The following TRIM9 variants were observed in gnomAD, a reference collection of about 807,000 sequenced individuals.
The protein encoded by TRIM9 is E3 ubiquitin-protein ligase TRIM9.
TRIM9 carries 26 observed loss-of-function variants against 78.3 expected under a neutral mutation model. The observed-to-expected ratio is 0.33, with a 90% CI of 0.24 to 0.46. The LOEUF (loss-of-function observed/expected upper bound fraction) is 0.46, where lower values mean the gene tolerates loss of function less well. Among genes scored for constraint, TRIM9 ranks in the 20% least tolerant of loss-of-function variants. TRIM9 has a pLI of 1.00. For missense variants in TRIM9, 787 were observed against 1,036.4 expected (o/e 0.76, Z 3.30); for synonymous variants, 398 against 416.5 (o/e 0.96, Z 0.54).
At chr14:51,046,733 T>G (rs2059978893) in intron 1 of TRIM9, among the ~76,000 whole-genome samples, 1 of 152,208 alleles carries the variant, frequency 6.6e-6, no homozygotes, top group South Asian at 2.1e-4. Flanking sequence ...TTCCCATGTA[T>G]TACCCGTAAA....
chr14:51,004,474 C>T (rs1267578472), intron 5 of TRIM9, among the ~76,000 whole-genome samples: 5 of 151,948 alleles, frequency 3.3e-5, no homozygotes, highest in African/African-American at 1.2e-4. Flanking sequence ...TGTGAACACT[C>T]ACAACCATCC....
At chr14:50,991,404 G>A (rs2053492484) in intron 7 of TRIM9, among the ~76,000 whole-genome samples, 1 of 152,000 alleles carries the variant, frequency 6.6e-6, no homozygotes, top group Admixed American at 6.6e-5. Context: ...CTCTCACCTT[G>A]GATTTTGTAA....
intron 1 of TRIM9, among the ~76,000 whole-genome samples, chr14:51,078,359 T>G (rs898808223): frequency 2.7e-4 from 41 of 152,210 alleles, no homozygotes; most frequent in Non-Finnish European, 5.1e-4. Context: ...TATAGTAACC[T>G]TTTCAGATAT....
chr14:51,082,405 T>A (rs2063385679), intron 1 of TRIM9, among the ~76,000 whole-genome samples: 1 of 152,168 alleles, frequency 6.6e-6, no homozygotes, highest in Non-Finnish European at 1.5e-5. Context: ...TGCAATACAA[T>A]AGGATATTAG....
At chr14:51,093,292 C>T (rs143984192) in intron 1 of TRIM9, among the ~76,000 whole-genome samples, 2 of 152,322 alleles carry the variant, frequency 1.3e-5, no homozygotes, top group East Asian at 1.9e-4. Flanking sequence ...AAAGTTTGCA[C>T]ATATAACTAC....
At chr14:51,017,912 C>T (rs2057372311) in intron 3 of TRIM9, among the ~76,000 whole-genome samples, 1 of 152,156 alleles carries the variant, frequency 6.6e-6, no homozygotes, top group African/African-American at 2.4e-5. Flanking sequence ...CATACAGTCT[C>T]TCTTGTGATT....
chr14:50,978,983 T>C (rs2051435824), intron 12 of TRIM9: 1 of 1,146,354 alleles, frequency 8.7e-7, no homozygotes, highest in Non-Finnish European at 1.1e-6. Flanking sequence ...GATTTTCTGA[T>C]AATGATACTA....
intron 7 of TRIM9, chr14:50,996,127 A>G: frequency 1.0e-6 from 1 of 985,368 alleles, no homozygotes; most frequent in Middle Eastern, 5.2e-4. Flanking sequence ...GTGCAGTAAC[A>G]GAGAATACTG....
intron 1 of TRIM9, among the ~76,000 whole-genome samples, chr14:51,038,758 G>C (rs1266443702): frequency 3.3e-5 from 5 of 152,192 alleles, no homozygotes; most frequent in Non-Finnish European, 5.9e-5. Flanking sequence ...CAATCACCAA[G>C]AGTGAAGCTT....
In TRIM9 at chr14:50,975,332, G is replaced by T. The variant is rs2051016262; in HGVS notation, c.*1959C>A. The stretch of plus-strand genomic sequence containing the variant: ...ATTTTTTCTAGTATAGTAGTTGTAT[G>T]CATCTGTAATTGCAATTCAGTGTAA... On this transcript the variant is annotated 3_prime_UTR_variant, in exon 13 of 13. Coordinates refer to ENST00000684578, the MANE Select transcript of TRIM9 (RefSeq NM_001387360.1). 1 of 152,672 alleles carries T rather than the reference G, an allele frequency of 6.5e-6. No homozygotes were observed. Among genetic ancestry groups the T allele is most frequent in the African/African-American group, 2.4e-5 (1 of 41,466 alleles). 9.5% of individuals were successfully genotyped at this position (152,672 alleles called of 1,614,324 possible).
At chr14:51,051,906 G>T (rs997617410) in intron 1 of TRIM9, among the ~76,000 whole-genome samples, 5 of 152,034 alleles carry the variant, frequency 3.3e-5, no homozygotes, top group African/African-American at 1.2e-4. Flanking sequence ...GATGGAGGTT[G>T]CAGTGAGCCG....
intron 1 of TRIM9, among the ~76,000 whole-genome samples, chr14:51,066,158 A>G (rs1221138357): frequency 2.6e-5 from 4 of 151,270 alleles, no homozygotes; most frequent in South Asian, 2.1e-4. Context: ...CCTTTTCACC[A>G]TATCTCCTCC....
At chr14:51,080,081 C>G (rs2063158264) in intron 1 of TRIM9, among the ~76,000 whole-genome samples, 1 of 152,252 alleles carries the variant, frequency 6.6e-6, no homozygotes, top group East Asian at 1.9e-4. Context: ...TCCAAGGGGA[C>G]AGTCACACTG....
At chr14:51,061,560 CT>C (rs2061354102) in intron 1 of TRIM9, among the ~76,000 whole-genome samples, 2 of 151,942 alleles carry the variant, frequency 1.3e-5, no homozygotes, top group African/African-American at 4.8e-5. Context: ...GTGGTTAGCA[CT>C]TTTTGTGTCC....
chr14:51,021,882 T>G (rs1248579409), intron 3 of TRIM9, among the ~76,000 whole-genome samples: 1 of 152,234 alleles, frequency 6.6e-6, no homozygotes, highest in African/African-American at 2.4e-5. Flanking sequence ...TTCCACCATG[T>G]CATGACAAAA....
Position 50,981,843 on chromosome 14 carries a change from T to C in TRIM9, c.2119A>G (p.Asn707Asp). 1 of 1,614,246 alleles carries C rather than the reference T, an allele frequency of 6.2e-7. No individual in the cohort carries two copies. Among genetic ancestry groups the C allele is most frequent in the South Asian group, 1.1e-5 (1 of 91,084 alleles). The change falls in exon 11 of 13, where the codon AAT (asparagine) becomes GAT (aspartate). Residue 707 changes from asparagine to aspartate, a missense_variant. Asn to Asp is a conservative substitution (Grantham distance 23). Around this residue, in one of 3 missense-constraint regions of TRIM9, gnomAD observed 421 missense variants for 514.3 expected, o/e 0.82. Transcript: ENST00000684578. Reference protein sequence around the residue: ...DDKAWAMYVDNNRSWFMHNNS... With the variant: ...DDKAWAMYVDDNRSWFMHNNS... Reference sequence around the variant, plus strand: ...TTGTGCATGAACCAGCTCCGGTTATTGTCCACATACATTGCCCAAGCTTTG... The same window carrying C: ...TTGTGCATGAACCAGCTCCGGTTATCGTCCACATACATTGCCCAAGCTTTG...
chr14:51,081,212 A>C (rs906060662), intron 1 of TRIM9, among the ~76,000 whole-genome samples: 2 of 152,250 alleles, frequency 1.3e-5, no homozygotes, highest in African/African-American at 4.8e-5. Context: ...TTTCTCTTAA[A>C]AAATACATAA....
chr14:51,027,344 A>G (rs902207935), intron 1 of TRIM9, among the ~76,000 whole-genome samples: 1 of 151,974 alleles, frequency 6.6e-6, no homozygotes, highest in Admixed American at 6.6e-5. Context: ...GGGTTTCTCC[A>G]TGTTGGCCAG....
intron 3 of TRIM9, among the ~76,000 whole-genome samples, chr14:51,017,007 C>T (rs2057284855): frequency 6.6e-6 from 1 of 152,132 alleles, no homozygotes; most frequent in Non-Finnish European, 1.5e-5. Flanking sequence ...GCATGATGAC[C>T]AACTGATGCT....
Sources: gnomAD v4.1 joint callset for allele counts (sites outside exome capture counted in the v4.1 genomes callset) on GRCh38, gnomAD v4.1.1 for gene constraint, gnomAD v4.1.1 regional missense constraint, MANE v1.5 for transcripts, NCBI Gene and HGNC (gene_info 2026-07-23, HGNC 2026-07-21) for gene names.